PTPN1: variants seen among roughly 807,000 people sequenced by gnomAD.
PTPN1 encodes the protein protein tyrosine phosphatase non-receptor type 1.
PTPN1 carries 12 observed loss-of-function variants against 59.9 expected under a neutral mutation model. That is an observed-to-expected ratio of 0.20 (90% CI 0.13 to 0.32). PTPN1 has a LOEUF of 0.32. Among genes scored for constraint, PTPN1 ranks in the 10% least tolerant of loss-of-function variants. The probability of loss-of-function intolerance (pLI) is 1.00; values close to 1 mark genes in which losing one functional copy is unlikely to be tolerated. For missense variants in PTPN1, 356 were observed against 549.2 expected (o/e 0.65, Z 3.52); for synonymous variants, 178 against 203.6 (o/e 0.87, Z 1.07).
intron 1 of PTPN1, among the ~76,000 whole-genome samples, chr20:50,524,954 C>T (rs2082568027): frequency 6.6e-6 from 1 of 152,104 alleles, no homozygotes. Flanking sequence ...TTAAAAAACT[C>T]AAGTGTACTG....
intron 1 of PTPN1, among the ~76,000 whole-genome samples, chr20:50,518,593 C>T (rs2082538722): frequency 6.6e-6 from 1 of 151,682 alleles, no homozygotes; most frequent in African/African-American, 2.4e-5. Flanking sequence ...ATTTTTTTTT[C>T]GGGGCAGGGA....
rs544252075 is a variant in PTPN1, at chr20:50,542,417, A to G, written c.64-18946A>G. Among the ~76,000 whole-genome samples, 34 of 152,264 alleles carry G rather than the reference A, an allele frequency of 2.2e-4. No homozygotes were observed. In the South Asian group the frequency reaches 6.6e-3, roughly 30 times the overall value. ...GTTTATGTACTGCTGTTGCATGAAAATCTGACTAGATTTAATGTTCCTAAA... is the reference window on the plus strand; with the variant it reads ...GTTTATGTACTGCTGTTGCATGAAAGTCTGACTAGATTTAATGTTCCTAAA... On this transcript the variant is annotated intron_variant, in intron 1 of 9. Coordinates refer to ENST00000371621, the MANE Select transcript of PTPN1 (RefSeq NM_002827.4).
At chr20:50,566,157 G>C (rs1324911425) in intron 3 of PTPN1, among the ~76,000 whole-genome samples, 8 of 152,168 alleles carry the variant, frequency 5.3e-5, no homozygotes, top group South Asian at 2.1e-4. Flanking sequence ...CAGCACCTCT[G>C]GGGTATTTAG....
chr20:50,551,118 T>C (rs892045162), intron 1 of PTPN1, among the ~76,000 whole-genome samples: 15 of 152,318 alleles, frequency 9.8e-5, no homozygotes, highest in African/African-American at 2.9e-4. Flanking sequence ...TGAATAAATA[T>C]AAAAATTAAT....
intron 2 of PTPN1, among the ~76,000 whole-genome samples, chr20:50,561,968 A>G (rs2082754844): frequency 1.3e-5 from 2 of 152,066 alleles, no homozygotes; most frequent in Admixed American, 6.5e-5. Flanking sequence ...AGTTCTTCCT[A>G]GGATTGTCAG....
chr20:50,579,738 G>A lies in PTPN1; in HGVS notation c.900G>A (p.Glu300=). 6.2e-7 allele frequency: 1 copy of A among 1,612,740 alleles called. No homozygotes were observed. The highest frequency in any genetic ancestry group is 8.5e-7 in the Non-Finnish European group (1 of 1,179,856). ...AGGAGCTTTCCCACGAGGACCTGGA[G>A]CCCCCACCCGAGCATATCCCCCCAC... The part of the protein sequence containing the change: ...QWKELSHEDL[E]PPPEHIPPPP... Residue 300 remains glutamate, a synonymous_variant, in exon 8 of 10, where the codon GAG becomes GAA. Coordinates refer to ENST00000371621, the MANE Select transcript of PTPN1 (RefSeq NM_002827.4).
At chr20:50,554,904 G>A (rs1042679474) in intron 1 of PTPN1, among the ~76,000 whole-genome samples, 4 of 152,090 alleles carry the variant, frequency 2.6e-5, no homozygotes, top group Admixed American at 1.3e-4. Context: ...AAGATCAAAT[G>A]AGTCAAATAG....
intron 1 of PTPN1, among the ~76,000 whole-genome samples, chr20:50,515,507 G>A (rs542001047): frequency 6.6e-6 from 1 of 152,188 alleles, no homozygotes; most frequent in African/African-American, 2.4e-5. Flanking sequence ...GCCCAGGCTG[G>A]TCTCAAACTC....
chr20:50,551,988 G>A (rs536168170), intron 1 of PTPN1, among the ~76,000 whole-genome samples: 1 of 152,214 alleles, frequency 6.6e-6, no homozygotes, highest in Non-Finnish European at 1.5e-5. Flanking sequence ...TCTTTGGTTA[G>A]CATAATAAAA....
chr20:50,574,576 A>G lies in PTPN1; in HGVS notation c.414A>G (p.Thr138=), dbSNP rs144145190. The G allele has an allele frequency of 1.2e-6, 2 of 1,607,752 alleles. No individual in the cohort carries two copies. The highest frequency in any genetic ancestry group is 2.7e-5 in the African/African-American group (2 of 74,552). The part of the protein sequence containing the change: ...KEEKEMIFED[T]NLKLTLISED... The stretch of plus-strand genomic sequence containing the variant: ...AAAAAGAGATGATCTTTGAAGACAC[A>G]AATTTGAAATTAACATTGATCTCTG... The change falls in exon 5 of 10, where the codon ACA becomes ACG. Residue 138 remains threonine, a synonymous_variant. Transcript: ENST00000371621.
At chr20:50,530,641 G>A (rs1261180496) in intron 1 of PTPN1, among the ~76,000 whole-genome samples, 1 of 150,466 alleles carries the variant, frequency 6.6e-6, no homozygotes, top group Non-Finnish European at 1.5e-5. Flanking sequence ...ACAACTGCTG[G>A]GATTACAAGT....
At chr20:50,572,914 T>C (rs1029509986) in intron 4 of PTPN1, 2 of 152,226 alleles carry the variant, frequency 1.3e-5, no homozygotes, top group Admixed American at 1.3e-4. Context: ...AGTTCACTTT[T>C]GGCAACTCAT....
chr20:50,579,205 A>G lies in PTPN1; in HGVS notation c.740A>G (p.Lys247Arg), dbSNP rs774164787. 7.4e-6 allele frequency: 12 copies of G among 1,614,238 alleles called. No individual in the cohort carries two copies. The highest frequency in any genetic ancestry group is 2.2e-5 in the East Asian group (1 of 44,884). The change falls in exon 7 of 10, where the codon AAG (lysine) becomes AGG (arginine). Residue 247 changes from lysine (K) to arginine (R), a missense_variant. This residue lies in a region of PTPN1 where 194 missense variants were observed against 344.2 expected (regional missense o/e 0.56). Coordinates refer to ENST00000371621, the MANE Select transcript of PTPN1 (RefSeq NM_002827.4). ...KRKDPSSVDI[K>R]KVLLEMRKFR... ...AAAGACCCTTCTTCCGTTGATATCAAGAAAGTGCTGTTAGAAATGAGGAAG... is the reference window on the plus strand; with the variant it reads ...AAAGACCCTTCTTCCGTTGATATCAGGAAAGTGCTGTTAGAAATGAGGAAG...
intron 1 of PTPN1, among the ~76,000 whole-genome samples, chr20:50,513,312 G>A (rs759763503): frequency 3.9e-5 from 6 of 152,102 alleles, no homozygotes; most frequent in East Asian, 1.9e-4. Context: ...CAAATCATCC[G>A]GTTGCTTGAT....
chr20:50,536,110 A>G (rs566841372), intron 1 of PTPN1, among the ~76,000 whole-genome samples: 2 of 152,362 alleles, frequency 1.3e-5, no homozygotes, highest in East Asian at 1.9e-4. Context: ...TAGTCACCAC[A>G]TAAGATGGGA....
At chr20:50,528,863 G>T (rs971781643) in intron 1 of PTPN1, among the ~76,000 whole-genome samples, 2 of 152,064 alleles carry the variant, frequency 1.3e-5, no homozygotes, top group Non-Finnish European at 2.9e-5. Context: ...TTGAGTTGAT[G>T]GTATTGTGTT....
intron 4 of PTPN1, chr20:50,573,090 C>G (rs971817711): frequency 3.3e-5 from 5 of 152,254 alleles, no homozygotes; most frequent in African/African-American, 1.2e-4. Context: ...CCACATTTTG[C>G]TTTGGTTTTG....
At chr20:50,542,615 A>G (rs2082657716) in intron 1 of PTPN1, among the ~76,000 whole-genome samples, 1 of 152,236 alleles carries the variant, frequency 6.6e-6, no homozygotes, top group African/African-American at 2.4e-5. Context: ...TAAGTTATTC[A>G]TGTAATAATA....
At chr20:50,531,700 G>A (rs1006629228) in intron 1 of PTPN1, among the ~76,000 whole-genome samples, 3 of 152,154 alleles carry the variant, frequency 2.0e-5, no homozygotes, top group African/African-American at 7.2e-5. Context: ...AAGCTGTCGT[G>A]GACAATGTGG....
Sources: gnomAD v4.1 joint callset for allele counts (sites outside exome capture counted in the v4.1 genomes callset) on GRCh38, gnomAD v4.1.1 for gene constraint, gnomAD v4.1.1 regional missense constraint, MANE v1.5 for transcripts, NCBI Gene and HGNC (gene_info 2026-07-23, HGNC 2026-07-21) for gene names.